CCDC3: variants seen among roughly 807,000 people sequenced by gnomAD.
CCDC3 encodes the protein coiled-coil domain-containing protein 3.
CCDC3 carries 24 observed loss-of-function variants against 21.4 expected under a neutral mutation model. The observed-to-expected ratio is 1.12, with a 90% CI of 0.81 to 1.58. The LOEUF (loss-of-function observed/expected upper bound fraction) is 1.58, where lower values mean the gene tolerates loss of function less well. Ranked by LOEUF, CCDC3 falls within the 40% of genes most tolerant of loss-of-function variation. The pLI is 0.00. For synonymous variants in CCDC3, 186 were observed against 166.0 expected, an observed-to-expected ratio of 1.12 and a Z score of -0.93; for missense variants, 425 against 360.9, an observed-to-expected ratio of 1.18 and a Z score of -1.44.
Position 13,038,319 on chromosome 10 carries a change from C to A in CCDC3, c.-2+11355G>T, listed in dbSNP as rs555020998. Among the ~76,000 whole-genome samples, 4 of 147,978 alleles carry A rather than the reference C, an allele frequency of 2.7e-5. No individual in the cohort carries two copies. In the East Asian group the frequency reaches 8.0e-4, roughly 29 times the overall value. On this transcript the variant is annotated intron_variant, in intron 5 of 6. Transcript: ENST00000378839. ...AGCAAACCACGGTGACACACATTTA[C>A]CTATGTAAATGTGCACATCCTGCAC... is the stretch of plus-strand genomic sequence containing the variant.
intron 5 of CCDC3, among the ~76,000 whole-genome samples, chr10:13,010,903 C>T (rs536907583): frequency 6.0e-4 from 91 of 152,240 alleles, no homozygotes; most frequent in African/African-American, 2.0e-3. Flanking sequence ...CACAAAGGGC[C>T]GGGCACAGCG....
intron 5 of CCDC3, among the ~76,000 whole-genome samples, chr10:13,021,393 G>C (rs571923928): frequency 3.3e-5 from 5 of 152,242 alleles, no homozygotes; most frequent in African/African-American, 9.6e-5. Flanking sequence ...CCTTGTTTTA[G>C]TATCAGACTT....
At chr10:13,069,203 C>T (rs954507674) in intron 4 of CCDC3, among the ~76,000 whole-genome samples, 4 of 152,120 alleles carry the variant, frequency 2.6e-5, no homozygotes, top group Admixed American at 6.5e-5. Flanking sequence ...TGCGGTGAGC[C>T]GAGATTGTGC....
chr10:12,933,798 G>C (rs1173988262), intron 2 of CCDC3, among the ~76,000 whole-genome samples: 1 of 152,054 alleles, frequency 6.6e-6, no homozygotes, highest in African/African-American at 2.4e-5. Flanking sequence ...CATGGGATCT[G>C]TAGTGATGGC....
At chr10:12,947,102 T>C (rs1834926392) in intron 2 of CCDC3, among the ~76,000 whole-genome samples, 1 of 152,178 alleles carries the variant, frequency 6.6e-6, no homozygotes, top group African/African-American at 2.4e-5. Flanking sequence ...CCTGATGTAG[T>C]TTCAAAGTAA....
intron 2 of CCDC3, among the ~76,000 whole-genome samples, chr10:12,988,578 G>A (rs1000022001): frequency 2.0e-5 from 3 of 152,022 alleles, no homozygotes; most frequent in Admixed American, 6.6e-5. Flanking sequence ...TCCTGACCTC[G>A]AGTGATCTGC....
intron 2 of CCDC3, among the ~76,000 whole-genome samples, chr10:12,938,605 A>G (rs1834774845): frequency 6.6e-6 from 1 of 152,230 alleles, no homozygotes; most frequent in Non-Finnish European, 1.5e-5. Context: ...GATGTGAATA[A>G]CAGTAGTCCT....
In CCDC3 at chr10:13,060,853, A is replaced by G. The variant is rs546230090; in HGVS notation, c.-269-10912T>C. On this transcript the variant is annotated intron_variant, in intron 4 of 6. Transcript: ENST00000378839. Reference sequence around the variant, plus strand: ...TGAAAAAAAGGGGTTACTGGATTTGACAATAAAAATATCATTTGTGAGTTT... The same window carrying G: ...TGAAAAAAAGGGGTTACTGGATTTGGCAATAAAAATATCATTTGTGAGTTT... 3.3e-5 allele frequency among the ~76,000 whole-genome samples: 5 copies of G among 152,268 alleles called. No individual in the cohort carries two copies. The South Asian group carries it at 1.0e-3, about 32-fold the overall frequency.
At chr10:13,046,134 G>A (rs1439768054) in intron 5 of CCDC3, among the ~76,000 whole-genome samples, 1 of 151,036 alleles carries the variant, frequency 6.6e-6, no homozygotes. Context: ...AGCTGGGCAT[G>A]GTTGCTCATT....
chr10:13,030,311 A>G (rs1161102609), intron 5 of CCDC3, among the ~76,000 whole-genome samples: 4 of 152,224 alleles, frequency 2.6e-5, no homozygotes, highest in African/African-American at 9.6e-5. Flanking sequence ...TGTTACCACC[A>G]GGCCTGCCTT....
intron 2 of CCDC3, among the ~76,000 whole-genome samples, chr10:12,940,810 T>C (rs972095623): frequency 6.6e-6 from 1 of 152,052 alleles, no homozygotes; most frequent in African/African-American, 2.4e-5. Context: ...AGAAAACTGA[T>C]CAACAGGGAA....
chr10:12,911,049 C>T (rs182585920), intron 2 of CCDC3, among the ~76,000 whole-genome samples: 260 of 152,280 alleles, frequency 1.7e-3, no homozygotes, highest in African/African-American at 6.0e-3. Flanking sequence ...TTATTCTTAG[C>T]GACCTCTTCA....
chr10:12,962,269 T>C (rs1350284355), intron 2 of CCDC3, among the ~76,000 whole-genome samples: 1 of 152,178 alleles, frequency 6.6e-6, no homozygotes, highest in Non-Finnish European at 1.5e-5. Flanking sequence ...AATCTCAAGG[T>C]TGCAAGAATA....
intron 3 of CCDC3, among the ~76,000 whole-genome samples, chr10:13,090,109 T>C (rs1790559045): frequency 7.3e-6 from 1 of 136,372 alleles, no homozygotes; most frequent in African/African-American, 3.0e-5. Flanking sequence ...TTTTTTTTTG[T>C]GTCAGAGTCT....
intron 2 of CCDC3, among the ~76,000 whole-genome samples, chr10:12,989,510 C>G (rs1280554024): frequency 6.6e-6 from 1 of 152,234 alleles, no homozygotes; most frequent in South Asian, 2.1e-4. Context: ...CAAACTCCAC[C>G]TCCCGGGTTC....
intron 5 of CCDC3, among the ~76,000 whole-genome samples, chr10:13,026,176 T>C (rs1836213246): frequency 6.6e-6 from 1 of 152,056 alleles, no homozygotes; most frequent in Non-Finnish European, 1.5e-5. Flanking sequence ...TGAGACTCTG[T>C]CTCAAAAATA....
intron 2 of CCDC3, among the ~76,000 whole-genome samples, chr10:12,905,542 G>A (rs1834156401): frequency 6.6e-6 from 1 of 152,262 alleles, no homozygotes; most frequent in South Asian, 2.1e-4. Context: ...GAACCTCACT[G>A]TCCACATCTC....
rs1426124265 is a variant in CCDC3 at position 13,037,983 on chromosome 10, C to T, written c.-2+11691G>A. ...CTAAGAGCCTTTTCCCCAGCCAGGT[C>T]TCCAACAGATTTCAAAAGAGAAAAT... On this transcript the variant is annotated intron_variant, in intron 5 of 6. Coordinates refer to the CCDC3 transcript ENST00000378839. Among the ~76,000 whole-genome samples, 3 of 152,044 alleles carry T rather than the reference C, an allele frequency of 2.0e-5. No homozygotes were observed. In the East Asian group the frequency reaches 5.8e-4, roughly 29 times the overall value.
At chr10:12,911,702 A>C (rs1293111144) in intron 2 of CCDC3, among the ~76,000 whole-genome samples, 1 of 152,212 alleles carries the variant, frequency 6.6e-6, no homozygotes, top group Non-Finnish European at 1.5e-5. Context: ...AACAATGTTC[A>C]AACATACATT....
Sources: gnomAD v4.1 joint callset for allele counts (sites outside exome capture counted in the v4.1 genomes callset) on GRCh38, gnomAD v4.1.1 for gene constraint, MANE v1.5 for transcripts, NCBI Gene and HGNC (gene_info 2026-07-23, HGNC 2026-07-21) for gene names.